INPP4B: variants seen among roughly 807,000 people sequenced by gnomAD.
The protein encoded by INPP4B is inositol polyphosphate-4-phosphatase type II B.
INPP4B carries 55 observed loss-of-function variants against 122.5 expected under a neutral mutation model. The observed-to-expected ratio is 0.45, with a 90% CI of 0.36 to 0.56. The LOEUF is 0.56. INPP4B is among the 20% of genes least tolerant of loss of function. The pLI is 0.00. For missense variants in INPP4B, 1,000 were observed against 1,097.7 expected (o/e 0.91, Z 1.26); for synonymous variants, 403 against 388.7 (o/e 1.04, Z -0.43).
chr4:142,150,581 A>G (rs1052361159), intron 17 of INPP4B, among the ~76,000 whole-genome samples: 2 of 152,198 alleles, frequency 1.3e-5, no homozygotes, highest in Admixed American at 6.5e-5. Flanking sequence ...TTCCTGGTCA[A>G]TAAGGTCATG....
chr4:142,367,623 C>G (rs185916309), intron 7 of INPP4B, among the ~76,000 whole-genome samples: 9 of 152,178 alleles, frequency 5.9e-5, no homozygotes. Flanking sequence ...AAATCTAGAT[C>G]TGATAGTCAC....
chr4:142,356,233 C>T (rs142390528), intron 7 of INPP4B, among the ~76,000 whole-genome samples: 1 of 146,614 alleles, frequency 6.8e-6, no homozygotes, highest in East Asian at 2.0e-4. Context: ...AAAACTTTTG[C>T]CAGGGGAGAA....
intron 5 of INPP4B, among the ~76,000 whole-genome samples, chr4:142,412,981 C>T (rs1579990465): frequency 6.6e-6 from 1 of 152,220 alleles, no homozygotes; most frequent in Middle Eastern, 3.4e-3. Flanking sequence ...CCTCAGTTCA[C>T]TGGTTTTAAA....
chr4:142,110,133 A>C (rs1317105565), intron 22 of INPP4B, among the ~76,000 whole-genome samples: 1 of 152,172 alleles, frequency 6.6e-6, no homozygotes, highest in Admixed American at 6.6e-5. Flanking sequence ...CCGAAATGGC[A>C]ATGGCAGTAT....
rs151314672 is a variant in INPP4B at position 142,149,998 on chromosome 4, T to C, written c.1564-4002A>G. On this transcript the variant is annotated intron_variant, in intron 17 of 25. Coordinates refer to ENST00000262992, the MANE Select transcript of INPP4B (RefSeq NM_001101669.3). ...GCTAGAGAAGGGTAAGAAAGATTTT[T>C]AAAGGGAAGCATTGAATATCTGAGT... Among the ~76,000 whole-genome samples the C allele has an allele frequency of 1.3e-4, 20 of 152,332 alleles. No homozygotes were observed. The East Asian group carries it at 3.9e-3, about 29-fold the overall frequency.
At chr4:142,315,761 C>A (rs1408560096) in intron 7 of INPP4B, among the ~76,000 whole-genome samples, 1 of 151,212 alleles carries the variant, frequency 6.6e-6, no homozygotes, top group African/African-American at 2.4e-5. Context: ...GAATATAAAG[C>A]AATATACAAG....
At chr4:142,731,773 G>C (rs1766122800) in intron 1 of INPP4B, among the ~76,000 whole-genome samples, 1 of 71,856 alleles carries the variant, frequency 1.4e-5, no homozygotes, top group Non-Finnish European at 3.1e-5. Flanking sequence ...AGATTTTCAG[G>C]GGAAAAAAAA....
intron 2 of INPP4B, among the ~76,000 whole-genome samples, chr4:142,702,730 CAAAAAAAAAAAA>C (rs35472471): frequency 1.1e-4 from 7 of 64,324 alleles, no homozygotes; most frequent in African/African-American, 3.6e-4. Flanking sequence ...AACTCCGTCT[CAAAAAAAAAAAA>C]AAAAAAAAAA....
chr4:142,088,675 T>A (rs1054203043), intron 23 of INPP4B, among the ~76,000 whole-genome samples: 6 of 152,318 alleles, frequency 3.9e-5, no homozygotes, highest in Admixed American at 3.3e-4. Context: ...AATGAACACA[T>A]ATTGCTTTTA....
intron 12 of INPP4B, among the ~76,000 whole-genome samples, chr4:142,218,532 T>C (rs771312236): frequency 2.0e-5 from 3 of 152,154 alleles, no homozygotes; most frequent in Non-Finnish European, 4.4e-5. Context: ...CAAAATAGCT[T>C]GATAAAAATG....
intron 2 of INPP4B, among the ~76,000 whole-genome samples, chr4:142,473,654 C>T (rs1483556052): frequency 6.6e-6 from 1 of 152,226 alleles, no homozygotes. Flanking sequence ...ACCCAGCTCA[C>T]TGGACAAGGT....
intron 15 of INPP4B, among the ~76,000 whole-genome samples, chr4:142,192,106 C>G (rs1285697194): frequency 6.6e-6 from 1 of 151,668 alleles, no homozygotes; most frequent in African/African-American, 2.4e-5. Flanking sequence ...TAAAGAATGA[C>G]TATTTTTCCC....
chr4:142,219,278 C>A (rs763632072), intron 12 of INPP4B, among the ~76,000 whole-genome samples: 9 of 152,106 alleles, frequency 5.9e-5, no homozygotes, highest in Non-Finnish European at 1.0e-4. Flanking sequence ...CTGTTTGTAT[C>A]TGATAAACAG....
At chr4:142,570,378 T>C (rs1289387497) in intron 2 of INPP4B, among the ~76,000 whole-genome samples, 2 of 152,102 alleles carry the variant, frequency 1.3e-5, no homozygotes, top group African/African-American at 4.8e-5. Context: ...TTAAGTAATA[T>C]TTTACTGTAT....
chr4:142,624,502 C>A (rs1184198356), intron 2 of INPP4B, among the ~76,000 whole-genome samples: 1 of 150,128 alleles, frequency 6.7e-6, no homozygotes, highest in African/African-American at 2.4e-5. Context: ...TGAAAATTTT[C>A]TCAAGAGTCC....
intron 9 of INPP4B, among the ~76,000 whole-genome samples, chr4:142,290,897 G>A (rs1006266266): frequency 9.9e-5 from 15 of 152,158 alleles, no homozygotes; most frequent in African/African-American, 3.6e-4. Context: ...AGTTGATGAT[G>A]AGGATAGGAA....
chr4:142,681,074 G>A (rs1014992157), intron 2 of INPP4B, among the ~76,000 whole-genome samples: 10 of 151,746 alleles, frequency 6.6e-5, no homozygotes, highest in African/African-American at 1.7e-4. Flanking sequence ...CTGCTGGGGC[G>A]GTTGAGTTTT....
intron 23 of INPP4B, 141 bp downstream of exon 23, chr4:142,107,952 C>CTTT (rs1427358235): frequency 8.8e-6 from 5 of 568,064 alleles, no homozygotes; most frequent in Non-Finnish European, 1.5e-5. Context: ...GGCAATCAGT[C>CTTT]TTTTTGGATC....
chr4:142,082,544 G>A (rs762928822), intron 24 of INPP4B, among the ~76,000 whole-genome samples: 1 of 152,150 alleles, frequency 6.6e-6, no homozygotes, highest in Non-Finnish European at 1.5e-5. Context: ...TCATTGTAAA[G>A]AGGAAAAAAC....
Sources: allele counts gnomAD v4.1 joint callset (sites outside exome capture counted in the v4.1 genomes callset), GRCh38; gene constraint gnomAD v4.1.1; transcripts MANE v1.5; gene names NCBI Gene and HGNC (gene_info 2026-07-23, HGNC 2026-07-21).